The following FANCB variants were observed in gnomAD, a reference collection of about 807,000 sequenced individuals.
FANCB encodes FA complementation group B, also known as Fanconi anemia group B protein.
A neutral mutation model predicts 38.9 loss-of-function variants in FANCB; 5 were observed. The observed-to-expected ratio is 0.13, with a 90% CI of 0.07 to 0.27. The LOEUF is 0.27. FANCB is among the 10% of genes least tolerant of loss of function. The pLI, the probability that FANCB is intolerant of heterozygous loss-of-function variation, is 1.00. For missense variants in FANCB, 573 were observed against 602.7 expected, an observed-to-expected ratio of 0.95 and a Z score of 0.52; for synonymous variants, 236 against 215.4, an observed-to-expected ratio of 1.10 and a Z score of -0.84.
At chrX:14,853,297 C>A (rs1348292144) in intron 5 of FANCB, 130 bp from the exon 6 acceptor site, 3 of 565,274 alleles carry the variant, frequency 5.3e-6, no homozygotes, top group African/African-American at 2.3e-5. Flanking sequence ...TAAAATACTT[C>A]TCAGAGCAAA....
chrX:14,749,662 T>C, the FANCB span, among the ~76,000 whole-genome samples: 1 of 112,083 alleles, frequency 8.9e-6, no homozygotes, highest in African/African-American at 3.2e-5. Flanking sequence ...CTTATCATAA[T>C]TGGTTTAGCA....
the FANCB span, among the ~76,000 whole-genome samples, chrX:14,727,752 G>A: frequency 8.0e-5 from 9 of 112,111 alleles, no homozygotes; most frequent in Non-Finnish European, 1.3e-4. Context: ...CTTCATTATC[G>A]AGTTTATATA....
At chrX:14,718,276 A>G in the FANCB span, among the ~76,000 whole-genome samples, 6 of 111,878 alleles carry the variant, frequency 5.4e-5, no homozygotes, top group East Asian at 1.7e-3. Flanking sequence ...TTAGACTGGC[A>G]TTTTTAGTCC....
chrX:14,704,274 T>G, the FANCB span, among the ~76,000 whole-genome samples: 3 of 112,586 alleles, frequency 2.7e-5, no homozygotes, highest in East Asian at 8.3e-4. Context: ...TGCCTTCAGC[T>G]CTACTAGTGT....
chrX:14,853,048 A>C lies in FANCB; in HGVS notation c.1317T>G (p.Ser439Arg), dbSNP rs776802337. ...ACATGATTACTTTTACCTCCTCTGC[A>C]CTTGACGTATTATCATCTTTTCCTT... is the stretch of plus-strand genomic sequence containing the variant. ...LVQGKDDNTSSAEEKECLVPL... is the reference protein window; with the variant it reads ...LVQGKDDNTSRAEEKECLVPL... The change falls in exon 6 of 10, where the codon AGT becomes AGG. Residue 439 changes from serine to arginine, a missense_variant. Ser to Arg is a moderately radical substitution (Grantham distance 110). Transcript: ENST00000650831. 1 of 1,200,261 alleles carries C rather than the reference A, an allele frequency of 8.3e-7. No individual in the cohort carries two copies. The highest frequency in any genetic ancestry group is 1.1e-6 in the Non-Finnish European group (1 of 885,774).
chrX:14,834,888 G>T, downstream of FANCB: 1 of 661,793 alleles, frequency 1.5e-6, no homozygotes, highest in Non-Finnish European at 2.4e-6. Context: ...ACCACTTCCA[G>T]GGACCAACTG....
chrX:14,779,536 A>G, the FANCB span, among the ~76,000 whole-genome samples: 1 of 111,748 alleles, frequency 8.9e-6, no homozygotes, highest in African/African-American at 3.3e-5. Context: ...TTGCCTTTCT[A>G]CCTTCCCCCA....
At chrX:14,811,503 C>A in the FANCB span, among the ~76,000 whole-genome samples, 1 of 110,636 alleles carries the variant, frequency 9.0e-6, no homozygotes. Context: ...CAAAAAAAGG[C>A]AGGGGTTGCA....
At chrX:14,811,897 T>G in the FANCB span, among the ~76,000 whole-genome samples, 27 of 111,650 alleles carry the variant, frequency 2.4e-4, no homozygotes, top group East Asian at 7.3e-3. Flanking sequence ...ATTCCAAAAT[T>G]GACCACATAG....
chrX:14,740,486 C>T, the FANCB span, among the ~76,000 whole-genome samples: 1 of 111,623 alleles, frequency 9.0e-6, no homozygotes, highest in Admixed American at 9.5e-5. Context: ...CTAGCCAATT[C>T]GTCTACCTGG....
chrX:14,872,604 G>A (rs913345708), intron 1 of FANCB, among the ~76,000 whole-genome samples: 2 of 99,301 alleles, frequency 2.0e-5, no homozygotes, highest in Admixed American at 2.1e-4. Flanking sequence ...TGTCTCCAGA[G>A]GTTGCCAAAG....
At chrX:14,713,412 G>T in the FANCB span, among the ~76,000 whole-genome samples, 2 of 112,085 alleles carry the variant, frequency 1.8e-5, no homozygotes, top group South Asian at 7.4e-4. Flanking sequence ...TGCTGTGAAA[G>T]AATTTCCATA....
chrX:14,765,836 G>A, the FANCB span, among the ~76,000 whole-genome samples: 3 of 111,582 alleles, frequency 2.7e-5, no homozygotes, highest in African/African-American at 6.5e-5. Flanking sequence ...CTCTGCCGCC[G>A]GAGAAATGAA....
the FANCB span, among the ~76,000 whole-genome samples, chrX:14,805,455 G>T: frequency 1.8e-5 from 2 of 110,892 alleles, no homozygotes; most frequent in South Asian, 7.7e-4. Flanking sequence ...ACCACAAACT[G>T]TTCCTGATTC....
chrX:14,767,532 GTTT>G, the FANCB span, among the ~76,000 whole-genome samples: 1 of 105,823 alleles, frequency 9.4e-6, no homozygotes, highest in Admixed American at 1.0e-4. Context: ...ACTTTTCATT[GTTT>G]TTTTTTTCTT....
chrX:14,747,202 C>T, the FANCB span, among the ~76,000 whole-genome samples: 1 of 112,302 alleles, frequency 8.9e-6, no homozygotes, highest in Non-Finnish European at 1.9e-5. Flanking sequence ...ATGTTTTCTA[C>T]GGAGAAAAAT....
the FANCB span, among the ~76,000 whole-genome samples, chrX:14,716,477 G>A: frequency 7.2e-5 from 8 of 111,723 alleles, no homozygotes; most frequent in Non-Finnish European, 1.5e-4. Context: ...TTGATCCAGA[G>A]GCTGCAGAAA....
chrX:14,779,381 T>A, the FANCB span, among the ~76,000 whole-genome samples: 1 of 112,041 alleles, frequency 8.9e-6, no homozygotes, highest in African/African-American at 3.2e-5. Flanking sequence ...ATGGTTTGAA[T>A]GTACCCCTTC....
chrX:14,783,936 G>A, the FANCB span, among the ~76,000 whole-genome samples: 2 of 112,575 alleles, frequency 1.8e-5, no homozygotes, highest in Non-Finnish European at 3.8e-5. Context: ...AAGGCCAGGC[G>A]CGGTGGCTCA....
Sources: gnomAD v4.1 joint callset for allele counts (sites outside exome capture counted in the v4.1 genomes callset) on GRCh38, gnomAD v4.1.1 for gene constraint, MANE v1.5 for transcripts, NCBI Gene and HGNC (gene_info 2026-07-23, HGNC 2026-07-21) for gene names.